GADL1: variants seen among roughly 807,000 people sequenced by gnomAD.
The protein encoded by GADL1 is GAD like acidic amino acid decarboxylase 1.
Under a neutral mutation model 69.5 loss-of-function variants are expected in GADL1, and 71 were observed. That is an observed-to-expected ratio of 1.02 (90% CI 0.84 to 1.25). The LOEUF is 1.25. Among genes scored for constraint, GADL1 ranks in the 50% most tolerant of loss-of-function variants. The probability of loss-of-function intolerance (pLI) is 0.00; values close to 1 mark genes in which losing one functional copy is unlikely to be tolerated. For synonymous variants in GADL1, 254 were observed against 214.4 expected, an observed-to-expected ratio of 1.18 and a Z score of -1.62; for missense variants, 737 against 631.8, an observed-to-expected ratio of 1.17 and a Z score of -1.79.
At chr3:30,827,433 T>C (rs1697699995) in intron 11 of GADL1, among the ~76,000 whole-genome samples, 1 of 151,706 alleles carries the variant, frequency 6.6e-6, no homozygotes, top group Non-Finnish European at 1.5e-5. Context: ...AGAAGCAATA[T>C]ACTGAGCTGT....
intron 11 of GADL1, among the ~76,000 whole-genome samples, chr3:30,801,380 C>T (rs1394609706): frequency 1.3e-5 from 2 of 152,012 alleles, no homozygotes; most frequent in African/African-American, 4.8e-5. Context: ...ATCAAGGTGG[C>T]CCAGTTTTTC....
Position 30,838,977 on chromosome 3 carries a change from G to T in GADL1, c.903+20C>A. The T allele has an allele frequency of 6.9e-7, 1 of 1,440,592 alleles. No homozygotes were observed. The highest frequency in any genetic ancestry group is 9.6e-7 in the Non-Finnish European group (1 of 1,036,362). 89.2% of individuals were successfully genotyped at this position (1,440,592 alleles called of 1,614,324 possible). A position where few individuals can be genotyped will look rare whatever the true frequency, so the allele number is the denominator to read the frequency against. ...AAAAGACCAAAGGTTAAACAGGTAT[G>T]TACACATAAATGAACTTACATCTAC... On this transcript the variant is annotated intron_variant, in intron 9 of 14. Transcript: ENST00000282538.
intron 2 of GADL1, among the ~76,000 whole-genome samples, chr3:30,859,619 T>C (rs905470949): frequency 6.6e-6 from 1 of 151,956 alleles, no homozygotes; most frequent in Non-Finnish European, 1.5e-5. Context: ...CTGAAACTCA[T>C]AGAACCACAC....
At chr3:30,842,517 G>A (rs1697984660) in intron 8 of GADL1, among the ~76,000 whole-genome samples, 1 of 151,856 alleles carries the variant, frequency 6.6e-6, no homozygotes, top group Non-Finnish European at 1.5e-5. Flanking sequence ...GTAATGAGAA[G>A]TTTAAAATTT....
In GADL1 at chr3:30,733,150, T is replaced by C. The variant is rs530708629; in HGVS notation, c.1393-4735A>G. ...ATACTTTAGTAAAATACAATAAAAA[T>C]CAATTACTAGCAAAATGAAATAAAA... On this transcript the variant is annotated intron_variant, in intron 14 of 14. Transcript: ENST00000282538. Among the ~76,000 whole-genome samples the C allele has an allele frequency of 5.3e-5, 8 of 152,308 alleles. No homozygotes were observed. In the South Asian group the frequency reaches 1.7e-3, roughly 32 times the overall value.
Position 30,839,151 on chromosome 3 carries a change from C to T in GADL1, c.787-38G>A, listed in dbSNP as rs749326573. ...TCCACACACACAAAATTATCACTGT[C>T]ATCACTAAATTTGTCCTGTAATAGC... On this transcript the variant is annotated intron_variant, in intron 8 of 14. Transcript: ENST00000282538. 9 of 1,322,650 alleles carry T rather than the reference C, an allele frequency of 6.8e-6. No homozygotes were observed. The Admixed American group carries it at 7.3e-5, about 11-fold the overall frequency. 81.9% of individuals were successfully genotyped at this position (1,322,650 alleles called of 1,614,324 possible).
At chr3:30,834,018 G>A (rs914178524) in intron 10 of GADL1, 84 bp from the exon 11 acceptor site, 1 of 996,754 alleles carries the variant, frequency 1.0e-6, no homozygotes, top group Non-Finnish European at 1.6e-6. Context: ...ATCAATATCT[G>A]CATTCAGTAC....
At chr3:30,841,971 A>G (rs558820160) in intron 8 of GADL1, among the ~76,000 whole-genome samples, 1 of 152,206 alleles carries the variant, frequency 6.6e-6, no homozygotes, top group Admixed American at 6.5e-5. Flanking sequence ...GGAGGTGAGC[A>G]CTTAGGGTCT....
chr3:30,726,734 C>T lies in GADL1; in HGVS notation c.*1508G>A, dbSNP rs896443256. On this transcript the variant is annotated 3_prime_UTR_variant, in exon 15 of 15. Transcript: ENST00000282538. ...TCAATCATTCACCTTTTAATGCAGA[C>T]CTTTAATTATATTCATAATCTTATC... The T allele has an allele frequency of 2.0e-5, 3 of 152,136 alleles. No individual in the cohort carries two copies. Among genetic ancestry groups the T allele is most frequent in the African/African-American group, 7.2e-5 (3 of 41,424 alleles). 9.4% of individuals were successfully genotyped at this position (152,136 alleles called of 1,614,324 possible).
At chr3:30,783,236 G>T (rs1416605713) in intron 13 of GADL1, among the ~76,000 whole-genome samples, 3 of 152,042 alleles carry the variant, frequency 2.0e-5, no homozygotes, top group South Asian at 2.1e-4. Context: ...GAATAATTAG[G>T]ACTCTCCCAA....
At chr3:30,832,831 A>G (rs944079149) in intron 11 of GADL1, among the ~76,000 whole-genome samples, 2 of 152,050 alleles carry the variant, frequency 1.3e-5, no homozygotes, top group Admixed American at 1.3e-4. Context: ...ACTCTATCCA[A>G]CCTAATAAAA....
intron 8 of GADL1, among the ~76,000 whole-genome samples, chr3:30,843,565 C>T (rs1034847981): frequency 2.9e-4 from 44 of 152,154 alleles, no homozygotes; most frequent in African/African-American, 1.0e-3. Context: ...CTAATGACAC[C>T]CCTTTTTAAA....
intron 1 of GADL1, among the ~76,000 whole-genome samples, chr3:30,890,232 TG>T (rs1462914110): frequency 1.3e-5 from 2 of 152,216 alleles, no homozygotes; most frequent in Non-Finnish European, 2.9e-5. Flanking sequence ...TGCATTGTCA[TG>T]ATTCTTGTCA....
chr3:30,733,596 C>CCTTT (rs1297898654), intron 14 of GADL1, among the ~76,000 whole-genome samples: 3 of 141,182 alleles, frequency 2.1e-5, no homozygotes, highest in African/African-American at 8.9e-5. Context: ...CTCCTTCCTT[C>CCTTT]CTTCCTTCCT....
At chr3:30,820,390 A>T (rs1303261280) in intron 11 of GADL1, among the ~76,000 whole-genome samples, 1 of 152,138 alleles carries the variant, frequency 6.6e-6, no homozygotes, top group African/African-American at 2.4e-5. Context: ...TGTAACCAAT[A>T]TGAAGCTAGA....
At chr3:30,849,231 C>T (rs934990570) in intron 6 of GADL1, among the ~76,000 whole-genome samples, 1 of 152,100 alleles carries the variant, frequency 6.6e-6, no homozygotes, top group Non-Finnish European at 1.5e-5. Context: ...GAAGGGGGCC[C>T]AGCCAAGAGC....
At chr3:30,824,059 A>T (rs563638446) in intron 11 of GADL1, among the ~76,000 whole-genome samples, 7 of 152,014 alleles carry the variant, frequency 4.6e-5, no homozygotes, top group African/African-American at 1.7e-4. Context: ...CAGGGATAAT[A>T]ATTACAAAAC....
intron 11 of GADL1, among the ~76,000 whole-genome samples, chr3:30,833,249 C>T (rs956479503): frequency 5.3e-5 from 8 of 152,040 alleles, no homozygotes; most frequent in African/African-American, 9.7e-5. Flanking sequence ...TTTATACCTC[C>T]GGCCAAGAGG....
intron 14 of GADL1, among the ~76,000 whole-genome samples, chr3:30,765,554 G>A (rs187422970): frequency 5.9e-5 from 9 of 152,328 alleles, no homozygotes; most frequent in Non-Finnish European, 1.2e-4. Flanking sequence ...ACCAGGGCTT[G>A]CTTCATGGGT....
Sources: allele counts gnomAD v4.1 joint callset (sites outside exome capture counted in the v4.1 genomes callset), GRCh38; gene constraint gnomAD v4.1.1; transcripts MANE v1.5; gene names NCBI Gene and HGNC (gene_info 2026-07-23, HGNC 2026-07-21).